HECW1: variants seen among roughly 807,000 people sequenced by gnomAD.
HECW1 encodes E3 ubiquitin-protein ligase HECW1.
HECW1 carries 61 observed loss-of-function variants against 182.3 expected under a neutral mutation model. The observed-to-expected ratio is 0.33, with a 90% CI of 0.27 to 0.41. The LOEUF (loss-of-function observed/expected upper bound fraction) is 0.41. Ranked by LOEUF, HECW1 falls within the 10% of genes least tolerant of loss-of-function variation. The pLI is 1.00. For synonymous variants in HECW1, 859 were observed against 832.6 expected, an observed-to-expected ratio of 1.03 and a Z score of -0.55; for missense variants, 1,739 against 2,108.9, an observed-to-expected ratio of 0.82 and a Z score of 3.44.
intron 1 of HECW1, 93 bp downstream of exon 1, chr7:43,113,030 CGCCCTCCCTTCTCGGG>C (rs1784744586): frequency 5.4e-6 from 1 of 186,572 alleles, no homozygotes; most frequent in South Asian, 2.0e-4. Flanking sequence ...GCCCCGGCAG[CGCCCTCCCTTCTCGGG>C]GCCGAGATCC....
intron 6 of HECW1, among the ~76,000 whole-genome samples, chr7:43,379,491 G>A (rs535323797): frequency 7.9e-5 from 12 of 152,010 alleles, no homozygotes; most frequent in Non-Finnish European, 1.2e-4. Flanking sequence ...TGTCCTCTCC[G>A]CTCAATCACT....
At chr7:43,423,718 A>C (rs4724205) in intron 8 of HECW1, among the ~76,000 whole-genome samples, 98,800 of 152,018 alleles carry the variant, frequency 0.65, 32,462 homozygotes, top group East Asian at 0.92. Context: ...CTCATGTGCA[A>C]CTCTTCCCAA....
intron 13 of HECW1, among the ~76,000 whole-genome samples, chr7:43,460,974 T>C (rs914178269): frequency 3.9e-5 from 6 of 152,232 alleles, no homozygotes; most frequent in African/African-American, 1.4e-4. Flanking sequence ...AGATCATATT[T>C]ACTCATAATG....
At chr7:43,213,324 CAT>C (rs1470971730) in intron 2 of HECW1, among the ~76,000 whole-genome samples, 1 of 151,504 alleles carries the variant, frequency 6.6e-6, no homozygotes, top group Non-Finnish European at 1.5e-5. Context: ...TCATAAATGA[CAT>C]GTGCTTATTT....
intron 5 of HECW1, among the ~76,000 whole-genome samples, chr7:43,329,048 A>G (rs1811139219): frequency 6.6e-6 from 1 of 152,062 alleles, no homozygotes; most frequent in East Asian, 1.9e-4. Flanking sequence ...ACAAGCATGT[A>G]CTTCTTTTTG....
At chr7:43,375,476 G>A (rs1160946284) in intron 6 of HECW1, among the ~76,000 whole-genome samples, 1 of 152,132 alleles carries the variant, frequency 6.6e-6, no homozygotes, top group Non-Finnish European at 1.5e-5. Context: ...TACTTATAAA[G>A]AGATATGCTG....
intron 9 of HECW1, chr7:43,439,532 C>A (rs568326447): frequency 2.6e-5 from 4 of 152,818 alleles, no homozygotes; most frequent in Admixed American, 2.6e-4. Flanking sequence ...AGGGGGTGGG[C>A]TGGAGAACAA....
chr7:43,357,015 GA>G (rs1444086708), intron 5 of HECW1, among the ~76,000 whole-genome samples: 1 of 152,040 alleles, frequency 6.6e-6, no homozygotes, highest in Non-Finnish European at 1.5e-5. Context: ...AATCATCAGG[GA>G]AATGCAAATC....
At chr7:43,274,119 G>A in intron 3 of HECW1, 1 of 395,012 alleles carries the variant, frequency 2.5e-6, no homozygotes, top group Non-Finnish European at 4.5e-6. Flanking sequence ...CCAAAGTGCT[G>A]GAGAAAAGCG....
At chr7:43,123,248 G>T (rs1251659506) in intron 2 of HECW1, among the ~76,000 whole-genome samples, 1 of 152,162 alleles carries the variant, frequency 6.6e-6, no homozygotes, top group Admixed American at 6.5e-5. Flanking sequence ...TTACAATATT[G>T]CTTCCGGAGG....
intron 21 of HECW1, among the ~76,000 whole-genome samples, chr7:43,504,569 T>A (rs1247045473): frequency 1.3e-5 from 2 of 152,230 alleles, no homozygotes; most frequent in African/African-American, 4.8e-5. Context: ...TCCTGTCTGC[T>A]TCCCCCACTT....
intron 24 of HECW1, among the ~76,000 whole-genome samples, chr7:43,514,568 C>T (rs1283267089): frequency 6.6e-6 from 1 of 152,270 alleles, no homozygotes; most frequent in Non-Finnish European, 1.5e-5. Context: ...GGATTACAGG[C>T]GTGAGCCAAC....
At chr7:43,326,813 C>T (rs1810850199) in intron 5 of HECW1, among the ~76,000 whole-genome samples, 1 of 152,222 alleles carries the variant, frequency 6.6e-6, no homozygotes, top group African/African-American at 2.4e-5. Context: ...AAAAGCAGGG[C>T]TCCAGGGGAG....
At chr7:43,473,229 G>A (rs1443990030) in intron 16 of HECW1, among the ~76,000 whole-genome samples, 1 of 152,194 alleles carries the variant, frequency 6.6e-6, no homozygotes, top group Non-Finnish European at 1.5e-5. Context: ...CACCGTGAGT[G>A]GAAGGAAGCA....
At chr7:43,329,484 TG>T (rs1811196260) in intron 5 of HECW1, among the ~76,000 whole-genome samples, 2 of 145,136 alleles carry the variant, frequency 1.4e-5, no homozygotes, top group Admixed American at 7.1e-5. Context: ...ATGAGAAAAA[TG>T]GAAGGGGCTG....
At chr7:43,456,723 A>G (rs1224644958) in intron 13 of HECW1, among the ~76,000 whole-genome samples, 2 of 152,220 alleles carry the variant, frequency 1.3e-5, no homozygotes, top group Non-Finnish European at 2.9e-5. Flanking sequence ...ACCAAGGGCC[A>G]GTGTATGCCC....
At chr7:43,488,461 A>AAAG (rs1491141976) in intron 17 of HECW1, among the ~76,000 whole-genome samples, 2 of 146,996 alleles carry the variant, frequency 1.4e-5, no homozygotes, top group South Asian at 2.3e-4. Context: ...AGAAAGAAAG[A>AAAG]AAGAAAGAAA....
At chr7:43,191,812 C>T (rs1028820303) in intron 2 of HECW1, among the ~76,000 whole-genome samples, 4 of 152,162 alleles carry the variant, frequency 2.6e-5, no homozygotes, top group Non-Finnish European at 4.4e-5. Context: ...TCAAATAATA[C>T]AGCAAACTCA....
chr7:43,199,239 T>C (rs1794818694), intron 2 of HECW1, among the ~76,000 whole-genome samples: 2 of 152,232 alleles, frequency 1.3e-5, no homozygotes, highest in African/African-American at 4.8e-5. Flanking sequence ...CTCACGAGTT[T>C]TGCACTTTTA....
Sources: gnomAD v4.1 joint callset for allele counts (sites outside exome capture counted in the v4.1 genomes callset) on GRCh38, gnomAD v4.1.1 for gene constraint, MANE v1.5 for transcripts, NCBI Gene and HGNC (gene_info 2026-07-23, HGNC 2026-07-21) for gene names.